Variants in SRPK2 observed in about 807,000 individuals in gnomAD.
The protein encoded by SRPK2 is SRSF protein kinase 2.
In SRPK2, 21 loss-of-function variants were observed where a neutral mutation model predicts 90.8. The ratio of observed to expected loss-of-function variants is 0.23; its 90% CI spans 0.16 to 0.33. The LOEUF is 0.33. SRPK2 is among the 10% of genes least tolerant of loss of function. SRPK2 has a pLI of 1.00. For synonymous variants in SRPK2, 288 were observed against 311.1 expected (o/e 0.93, Z 0.78); for missense variants, 620 against 869.0 (o/e 0.71, Z 3.60).
chr7:105,210,693 C>A (rs1350059097), intron 2 of SRPK2, among the ~76,000 whole-genome samples: 1 of 152,176 alleles, frequency 6.6e-6, no homozygotes, highest in Non-Finnish European at 1.5e-5. Flanking sequence ...CAATTATCTA[C>A]ACTACATGCC....
intron 6 of SRPK2, among the ~76,000 whole-genome samples, chr7:105,163,735 C>T (rs183449745): frequency 2.2e-3 from 338 of 152,232 alleles, no homozygotes; most frequent in Non-Finnish European, 3.3e-3. Flanking sequence ...CTCTTGAACC[C>T]GGGAGGCGGA....
chr7:105,157,007 G>A (rs1446456427), intron 7 of SRPK2, among the ~76,000 whole-genome samples: 3 of 152,266 alleles, frequency 2.0e-5, no homozygotes, highest in African/African-American at 7.2e-5. Context: ...AATTCTAAAT[G>A]GGAATATGAG....
At position 105,240,208 on chromosome 7, in the gene SRPK2, T is replaced by C. The variant is rs117546225; in HGVS notation, c.72-36423A>G. Among the ~76,000 whole-genome samples, 734 of 152,300 alleles carry C rather than the reference T, an allele frequency of 4.8e-3. 3 individuals are homozygous for C. Among genetic ancestry groups the C allele is most frequent in the Non-Finnish European group, 8.0e-3 (546 of 68,018 alleles). ...CCAGCTGTGTCCTCATGGTGGAAGA[T>C]GCAAGGGGCCTTTCTCAGTCCTCTT... On this transcript the variant is annotated intron_variant, in intron 2 of 15. Transcript: ENST00000393651.
intron 2 of SRPK2, among the ~76,000 whole-genome samples, chr7:105,231,692 T>G (rs180849448): frequency 6.6e-6 from 1 of 152,374 alleles, no homozygotes; most frequent in African/African-American, 2.4e-5. Context: ...TTTCATATGC[T>G]TATTGGCCCC....
At chr7:105,331,189 A>AT (rs1229735583) in intron 2 of SRPK2, among the ~76,000 whole-genome samples, 1 of 151,710 alleles carries the variant, frequency 6.6e-6, no homozygotes, top group Non-Finnish European at 1.5e-5. Flanking sequence ...CATGACTGTA[A>AT]TCCCAGCTAC....
chr7:105,295,354 T>G (rs9649275), intron 2 of SRPK2, among the ~76,000 whole-genome samples: 91,734 of 151,516 alleles, frequency 0.61, 28,630 homozygotes, highest in South Asian at 0.75. Flanking sequence ...ATAAATATTT[T>G]TATGTAAATT....
chr7:105,383,494 C>T (rs1821196661), intron 2 of SRPK2, among the ~76,000 whole-genome samples: 1 of 151,602 alleles, frequency 6.6e-6, no homozygotes, highest in South Asian at 2.1e-4. Flanking sequence ...GATCTCGGCT[C>T]ACCACAACCT....
intron 2 of SRPK2, among the ~76,000 whole-genome samples, chr7:105,331,337 A>AAAAAAAAAAG (rs1554512429): frequency 7.1e-6 from 1 of 141,828 alleles, no homozygotes; most frequent in Admixed American, 7.0e-5. Context: ...AAAAAAAAAA[A>AAAAAAAAAAG]CAAATAGTTA....
rs1275858290 is a variant in SRPK2, at chr7:105,117,809, A to AG, written c.*28dup. 1 of 1,610,290 alleles carries AG rather than the reference A, an allele frequency of 6.2e-7. No homozygotes were observed. The highest frequency in any genetic ancestry group is 1.3e-5 in the African/African-American group (1 of 74,944). On this transcript the variant is annotated 3_prime_UTR_variant, in exon 16 of 16. Transcript: ENST00000393651. ...GTCCAATGTACTGGGAACATTTGCT[A>AG]GCTCAGAATGCAATATTGGTAGAAT...
chr7:105,176,555 A>ATGTGTGTG (rs759052609), intron 3 of SRPK2, among the ~76,000 whole-genome samples: 13 of 119,736 alleles, frequency 1.1e-4, no homozygotes, highest in African/African-American at 4.7e-4. Flanking sequence ...GGTTTTGCAT[A>ATGTGTGTG]TATGTGTGTG....
chr7:105,304,660 C>T (rs1043683379), intron 2 of SRPK2, among the ~76,000 whole-genome samples: 1 of 152,174 alleles, frequency 6.6e-6, no homozygotes, highest in African/African-American at 2.4e-5. Flanking sequence ...TCCCATTAGA[C>T]AGTATCCCGA....
At chr7:105,358,223 CAAAAAAAAAAA>C (rs976713048) in intron 2 of SRPK2, among the ~76,000 whole-genome samples, 2 of 53,648 alleles carry the variant, frequency 3.7e-5, no homozygotes, top group South Asian at 7.8e-4. Flanking sequence ...GACTCCGTCT[CAAAAAAAAAAA>C]AAAAAAAAAA....
chr7:105,202,457 T>G (rs941035690), intron 3 of SRPK2, among the ~76,000 whole-genome samples: 3 of 152,178 alleles, frequency 2.0e-5, no homozygotes, highest in Non-Finnish European at 4.4e-5. Context: ...AGCTCCAAAT[T>G]CCAGAAAATT....
At chr7:105,280,655 A>AGG (rs1563185924) in intron 2 of SRPK2, among the ~76,000 whole-genome samples, 1 of 132,164 alleles carries the variant, frequency 7.6e-6, no homozygotes, top group African/African-American at 3.5e-5. Context: ...CATTAAAAAA[A>AGG]AGGGGGGGGG....
chr7:105,375,226 A>G (rs1820148858), intron 2 of SRPK2, among the ~76,000 whole-genome samples: 1 of 152,232 alleles, frequency 6.6e-6, no homozygotes, highest in Non-Finnish European at 1.5e-5. Context: ...AGTAAACTAC[A>G]AATTCAATAT....
intron 2 of SRPK2, chr7:105,206,063 G>GCTGTGGGGCTGTCGTGTGCA: frequency 1.9e-6 from 1 of 514,116 alleles, no homozygotes; most frequent in African/African-American, 1.9e-5. Flanking sequence ...ATAATTCATT[G>GCTGTGGGGCTGTCGTGTGCA]CTGTGGGGCT....
intron 2 of SRPK2, among the ~76,000 whole-genome samples, chr7:105,365,587 G>A (rs988247442): frequency 1.3e-5 from 2 of 150,604 alleles, no homozygotes; most frequent in Non-Finnish European, 1.5e-5. Flanking sequence ...GGTCAAGGCA[G>A]GAGAATCGAA....
At chr7:105,160,430 T>A (rs1323885431) in intron 7 of SRPK2, 77 bp downstream of exon 7, 1 of 789,430 alleles carries the variant, frequency 1.3e-6, no homozygotes, top group Non-Finnish European at 2.2e-6. Context: ...TACATATACA[T>A]ATTTGTAAAC....
intron 2 of SRPK2, among the ~76,000 whole-genome samples, chr7:105,283,468 C>T (rs1018809048): frequency 5.3e-5 from 8 of 152,098 alleles, no homozygotes; most frequent in South Asian, 2.1e-4. Context: ...TACATGCTAC[C>T]GTATGGCTGA....
Sources: allele counts gnomAD v4.1 joint callset (sites outside exome capture counted in the v4.1 genomes callset), GRCh38; gene constraint gnomAD v4.1.1; transcripts MANE v1.5; gene names NCBI Gene and HGNC (gene_info 2026-07-23, HGNC 2026-07-21).